Variants in XPO7 observed in about 807,000 individuals in gnomAD.
XPO7 encodes exportin 7.
A neutral mutation model predicts 144.3 loss-of-function variants in XPO7; 21 were observed. The observed-to-expected ratio is 0.15, with a 90% CI of 0.10 to 0.21. The LOEUF is 0.21. Among genes scored for constraint, XPO7 ranks in the 10% least tolerant of loss-of-function variants. The probability of loss-of-function intolerance (pLI) is 1.00; values close to 1 mark genes in which losing one functional copy is unlikely to be tolerated. For missense variants in XPO7, 808 were observed against 1,325.8 expected (o/e 0.61, Z 6.06); for synonymous variants, 580 against 499.6 (o/e 1.16, Z -2.15).
At chr8:21,998,500 T>G (rs1205719522) in intron 21 of XPO7, among the ~76,000 whole-genome samples, 2 of 152,168 alleles carry the variant, frequency 1.3e-5, no homozygotes, top group African/African-American at 2.4e-5. Context: ...AGTAATTTTA[T>G]CTACTGCTGC....
intron 1 of XPO7, among the ~76,000 whole-genome samples, chr8:21,943,593 C>G (rs1024118722): frequency 2.9e-4 from 44 of 152,254 alleles, no homozygotes; most frequent in African/African-American, 1.0e-3. Context: ...GTAAAACATT[C>G]CTTATTTCCT....
chr8:21,960,247 C>T (rs991961927), intron 1 of XPO7, among the ~76,000 whole-genome samples: 1 of 152,152 alleles, frequency 6.6e-6, no homozygotes, highest in African/African-American at 2.4e-5. Context: ...ACTTTAAAAC[C>T]ACAGTGCAAG....
chr8:21,947,982 G>C (rs1386385162), intron 1 of XPO7, among the ~76,000 whole-genome samples: 3 of 152,326 alleles, frequency 2.0e-5, no homozygotes, highest in Admixed American at 1.3e-4. Context: ...CCCAGAGGAA[G>C]AAGGAGCACA....
At chr8:21,967,857 G>A (rs1811936191) in intron 2 of XPO7, among the ~76,000 whole-genome samples, 1 of 152,086 alleles carries the variant, frequency 6.6e-6, no homozygotes, top group African/African-American at 2.4e-5. Flanking sequence ...GATACAATTT[G>A]AAAAAATCAC....
chr8:21,979,863 C>A (rs1237006488), intron 8 of XPO7, among the ~76,000 whole-genome samples: 1 of 151,970 alleles, frequency 6.6e-6, no homozygotes, highest in Non-Finnish European at 1.5e-5. Flanking sequence ...AACAAAGATG[C>A]CATTGGAGTG....
At chr8:21,931,817 C>G (rs1022878992) in intron 1 of XPO7, among the ~76,000 whole-genome samples, 1 of 152,140 alleles carries the variant, frequency 6.6e-6, no homozygotes, top group Non-Finnish European at 1.5e-5. Flanking sequence ...ACTGTTGTTT[C>G]AAGGGTATCT....
chr8:21,984,496 A>G, intron 11 of XPO7, 150 bp from the exon 12 acceptor site: 1 of 728,300 alleles, frequency 1.4e-6, no homozygotes, highest in Non-Finnish European at 2.2e-6. Flanking sequence ...CTGCCTCATT[A>G]AACATTCTTC....
intron 12 of XPO7, 22 bp from the exon 13 acceptor site, chr8:21,985,564 C>A (rs537170612): frequency 1.9e-6 from 3 of 1,605,338 alleles, no homozygotes; most frequent in East Asian, 2.2e-5. Context: ...GGAGGTGACA[C>A]TGGGTCTGTC....
intron 1 of XPO7, among the ~76,000 whole-genome samples, chr8:21,930,009 G>A (rs1182586948): frequency 6.6e-6 from 1 of 152,218 alleles, no homozygotes; most frequent in Non-Finnish European, 1.5e-5. Context: ...TTTTGCTGAA[G>A]TAGGAATCTA....
At chr8:21,948,577 T>G (rs1811267679) in intron 1 of XPO7, among the ~76,000 whole-genome samples, 1 of 152,190 alleles carries the variant, frequency 6.6e-6, no homozygotes, top group South Asian at 2.1e-4. Context: ...TTTTTAAATG[T>G]TTTTATATAC....
At chr8:21,995,318 A>T (rs1377222718) in intron 20 of XPO7, among the ~76,000 whole-genome samples, 174 bp from the exon 21 acceptor site, 1 of 152,234 alleles carries the variant, frequency 6.6e-6, no homozygotes, top group Non-Finnish European at 1.5e-5. Flanking sequence ...AGGTTAAAGA[A>T]CACAAAATCA....
At chr8:21,997,088 G>A (rs776749311) in intron 21 of XPO7, among the ~76,000 whole-genome samples, 4 of 152,194 alleles carry the variant, frequency 2.6e-5, no homozygotes, top group Non-Finnish European at 4.4e-5. Context: ...GATTGCAGGC[G>A]TGAGCCACCA....
At chr8:21,951,424 A>T (rs1811369973) in intron 1 of XPO7, among the ~76,000 whole-genome samples, 1 of 152,110 alleles carries the variant, frequency 6.6e-6, no homozygotes, top group Non-Finnish European at 1.5e-5. Flanking sequence ...AATTTATTAT[A>T]ATATGTTTAA....
At chr8:21,979,409 C>CTTT in intron 8 of XPO7, among the ~76,000 whole-genome samples, 1 of 124,738 alleles carries the variant, frequency 8.0e-6, no homozygotes. Context: ...TTTTTTTTTT[C>CTTT]GTTTTTTTTT....
intron 4 of XPO7, 135 bp from the exon 5 acceptor site, chr8:21,971,741 A>G (rs947355578): frequency 7.2e-6 from 4 of 557,656 alleles, no homozygotes; most frequent in African/African-American, 5.7e-5. Context: ...GTTTTAAACT[A>G]TGATTCCTTG....
At chr8:21,992,007 C>T (rs749482550) in intron 19 of XPO7, 33 bp downstream of exon 19, 1 of 1,567,274 alleles carries the variant, frequency 6.4e-7, no homozygotes, top group Non-Finnish European at 8.7e-7. Context: ...AATTAATCAG[C>T]TTCTGGTTTA....
intron 24 of XPO7, among the ~76,000 whole-genome samples, chr8:22,001,559 C>A (rs188707946): frequency 6.6e-6 from 1 of 152,162 alleles, no homozygotes; most frequent in African/African-American, 2.4e-5. Flanking sequence ...TTCTAACAAA[C>A]CATAAACATT....
Position 21,919,775 on chromosome 8 carries a change from C to A in XPO7, c.5C>A (p.Ala2Glu). M[A>E]DHVQSLAQLE... ...GAGGAGCATGAATGGAGCAAAATGG[C>A]GGATCATGTGCAGGTGAGAGGAGCC... is the stretch of plus-strand genomic sequence containing the variant. The change falls in exon 1 of 28, where the codon GCG becomes GAG. Residue 2 changes from alanine (A) to glutamate (E), a missense_variant. Ala to Glu is a moderately radical substitution (Grantham distance 107). Around this residue, in one of 5 missense-constraint regions of XPO7, gnomAD observed 223 missense variants for 368.8 expected, o/e 0.60. Transcript: ENST00000252512. The A allele has an allele frequency of 1.6e-6, 1 of 637,758 alleles. No homozygotes were observed. The highest frequency in any genetic ancestry group is 2.2e-6 in the Non-Finnish European group (1 of 460,362). The allele number at this position is 637,758 out of a possible 1,614,324, so 39.5% of individuals were successfully genotyped here.
intron 5 of XPO7, among the ~76,000 whole-genome samples, chr8:21,973,471 C>G (rs1812131775): frequency 6.6e-6 from 1 of 152,024 alleles, no homozygotes. Flanking sequence ...ATGACAGAAG[C>G]AAGAATTGGA....
Sources: gnomAD v4.1 joint callset for allele counts (sites outside exome capture counted in the v4.1 genomes callset) on GRCh38, gnomAD v4.1.1 for gene constraint, gnomAD v4.1.1 regional missense constraint, MANE v1.5 for transcripts, NCBI Gene and HGNC (gene_info 2026-07-23, HGNC 2026-07-21) for gene names.